The following DDX27 variants were observed in gnomAD, a reference collection of about 807,000 sequenced individuals.
DDX27 encodes DEAD-box helicase 27, also known as probable ATP-dependent RNA helicase DDX27.
In DDX27, 42 loss-of-function variants were observed where a neutral mutation model predicts 99.3. That is an observed-to-expected ratio of 0.42 (90% confidence interval 0.33 to 0.55). DDX27 has a LOEUF of 0.55. DDX27 is among the 20% of genes least tolerant of loss of function. DDX27 has a pLI of 0.07. For synonymous variants in DDX27, 329 were observed against 353.8 expected, an observed-to-expected ratio of 0.93 and a Z score of 0.79; for missense variants, 798 against 976.8, an observed-to-expected ratio of 0.82 and a Z score of 2.44.
rs1453503401 is a variant in DDX27 at position 49,221,607 on chromosome 20, G to A, written c.240+9G>A. 6.3e-7 allele frequency: 1 copy of A among 1,581,066 alleles called. No homozygotes were observed. The highest frequency in any genetic ancestry group is 8.6e-7 in the Non-Finnish European group (1 of 1,162,442). On this transcript the variant is annotated intron_variant, in intron 2 of 20. Coordinates refer to ENST00000618172, the MANE Select transcript of DDX27 (RefSeq NM_017895.8). Reference sequence around the variant, plus strand: ...GCCAACTCAAGAAGAAGGTGAGACTGACAGTGATGGACAGCTCCAGACTTT... The same window carrying A: ...GCCAACTCAAGAAGAAGGTGAGACTAACAGTGATGGACAGCTCCAGACTTT...
At chr20:49,226,736 G>A (rs1017290225) in intron 7 of DDX27, among the ~76,000 whole-genome samples, 6 of 151,828 alleles carry the variant, frequency 4.0e-5, no homozygotes, top group Non-Finnish European at 8.8e-5. Flanking sequence ...AGGTTCAAGC[G>A]ATCGATTTTC....
intron 1 of DDX27, among the ~76,000 whole-genome samples, chr20:49,220,429 A>G (rs958620271): frequency 6.6e-6 from 1 of 152,140 alleles, no homozygotes; most frequent in Non-Finnish European, 1.5e-5. Context: ...TATCTTGAGC[A>G]CTTCCAGTGT....
intron 2 of DDX27, 136 bp from the exon 3 acceptor site, chr20:49,222,821 T>G (rs1009763007): frequency 2.2e-6 from 1 of 451,878 alleles, no homozygotes; most frequent in Non-Finnish European, 3.7e-6. Flanking sequence ...CCTAAAATTT[T>G]TATATATATA....
At chr20:49,242,011 T>C (rs1176466222) in intron 17 of DDX27, 24 bp downstream of exon 17, 1 of 1,613,814 alleles carries the variant, frequency 6.2e-7, no homozygotes, top group Admixed American at 1.7e-5. Flanking sequence ...CTTTTGGAGT[T>C]TGGGCCCACT....
intron 2 of DDX27, among the ~76,000 whole-genome samples, chr20:49,222,576 G>A (rs1366211229): frequency 4.0e-5 from 6 of 151,504 alleles, no homozygotes; most frequent in Non-Finnish European, 1.5e-5. Context: ...GTGCAATGGC[G>A]TGATCTCGGC....
chr20:49,239,081 T>C (rs772378314), intron 15 of DDX27, 26 bp downstream of exon 15: 4 of 1,593,068 alleles, frequency 2.5e-6, no homozygotes, highest in East Asian at 4.5e-5. Context: ...GGGATCTTGT[T>C]CACAAGGCTG....
intron 16 of DDX27, among the ~76,000 whole-genome samples, chr20:49,240,757 T>G (rs1324240508): frequency 6.6e-6 from 1 of 152,142 alleles, no homozygotes; most frequent in African/African-American, 2.4e-5. Flanking sequence ...GGCTTCATGT[T>G]CTTCCATCAT....
chr20:49,242,443 C>A, intron 18 of DDX27, 151 bp from the exon 19 acceptor site: 2 of 1,033,630 alleles, frequency 1.9e-6, no homozygotes, highest in Non-Finnish European at 2.8e-6. Context: ...GCCTCACCAG[C>A]TGCTACTTGG....
intron 11 of DDX27, chr20:49,234,075 T>C (rs916834377): frequency 4.5e-6 from 1 of 223,752 alleles, no homozygotes; most frequent in Admixed American, 5.0e-5. Flanking sequence ...GCATTTACAA[T>C]GATTGCTTGC....
At chr20:49,223,524 CAGTTTATCTTTAAG>C in intron 4 of DDX27, 91 bp downstream of exon 4, 1 of 1,207,678 alleles carries the variant, frequency 8.3e-7, no homozygotes, top group South Asian at 1.5e-5. Flanking sequence ...CTCTTCTGCA[CAGTTTATCTTTAAG>C]CTGTTCTGCC....
chr20:49,224,665 A>C (rs1171744703), intron 4 of DDX27: 1 of 361,266 alleles, frequency 2.8e-6, no homozygotes, highest in Non-Finnish European at 5.0e-6. Context: ...TTCCGCCCTC[A>C]ATAAGTATTT....
chr20:49,236,253 T>C lies in DDX27; in HGVS notation c.1509+22T>C. On this transcript the variant is annotated intron_variant, in intron 13 of 20. Coordinates refer to ENST00000618172, the MANE Select transcript of DDX27 (RefSeq NM_017895.8). The surrounding 1 kb of genome is among the most constrained non-coding windows in gnomAD (Gnocchi z 4.1). ...AACGGTGAGCAGACACTATCTTCCT[T>C]GGACTTTTGGTGGAAGTCTTTTTGC... 1 of 1,584,280 alleles carries C rather than the reference T, an allele frequency of 6.3e-7. No individual in the cohort carries two copies. Among genetic ancestry groups the C allele is most frequent in the Non-Finnish European group, 8.6e-7 (1 of 1,163,726 alleles).
chr20:49,222,243 G>T (rs1979714073), intron 2 of DDX27, among the ~76,000 whole-genome samples: 1 of 149,520 alleles, frequency 6.7e-6, no homozygotes, highest in African/African-American at 2.5e-5. Context: ...AGCGATTCTT[G>T]TGCTTTAGCC....
Position 49,243,858 on chromosome 20 carries a change from T to TG in DDX27, c.*29dup. ...AGCTGTCGTGGCCTGAAGAAATTCA[T>TG]GGGGGCAGCCCTTAAATCCCTTCCC... is the stretch of plus-strand genomic sequence containing the variant. On this transcript the variant is annotated 3_prime_UTR_variant, in exon 21 of 21. Transcript: ENST00000618172. 1 of 1,613,944 alleles carries TG rather than the reference T, an allele frequency of 6.2e-7. No homozygotes were observed. Among genetic ancestry groups the TG allele is most frequent in the Non-Finnish European group, 8.5e-7 (1 of 1,179,954 alleles).
chr20:49,239,149 A>G (rs780304092), intron 15 of DDX27, 87 bp from the exon 16 acceptor site: 1 of 1,528,898 alleles, frequency 6.5e-7, no homozygotes, highest in Non-Finnish European at 9.0e-7. Flanking sequence ...TGTTTCTCCC[A>G]TCAGAGCCCC....
At chr20:49,224,861 C>T (rs1979819436) in intron 4 of DDX27, 84 bp from the exon 5 acceptor site, 1 of 1,462,564 alleles carries the variant, frequency 6.8e-7, no homozygotes, top group Non-Finnish European at 9.5e-7. Flanking sequence ...TGAAGTGTGG[C>T]ATTGGCACTT....
At chr20:49,226,330 G>A in intron 6 of DDX27, 100 bp from the exon 7 acceptor site, 1 of 751,000 alleles carries the variant, frequency 1.3e-6, no homozygotes, top group Admixed American at 2.6e-5. Context: ...TGATTGGTGG[G>A]GATTGGTGTG....
At chr20:49,239,088 G>T (rs780462192) in intron 15 of DDX27, 33 bp downstream of exon 15, 1 of 1,583,310 alleles carries the variant, frequency 6.3e-7, no homozygotes. Flanking sequence ...TGTTCACAAG[G>T]CTGCTCAGTA....
rs764181437 is a variant in DDX27 at position 49,236,360 on chromosome 20, A to G, written c.1537A>G (p.Ile513Val). 1.1e-5 allele frequency: 18 copies of G among 1,603,448 alleles called. 1 individual carries two copies. In the South Asian group the frequency reaches 1.7e-4, roughly 15 times the overall value. Residue 513 changes from isoleucine to valine, a missense_variant, in exon 14 of 21, where the codon ATC (isoleucine) becomes GTC (valine). Ile to Val is a conservative substitution (Grantham distance 29). This residue lies in a region of DDX27 where 553 missense variants were observed against 727.9 expected (regional missense o/e 0.76). Transcript: ENST00000618172. This position sits in a 1 kb window ranked among gnomAD's most constrained non-coding sequence, Gnocchi z 4.1. Reference protein sequence around the residue: ...TVINFTMPNTIKHYVHRVGRT... With the variant: ...TVINFTMPNTVKHYVHRVGRT... The stretch of plus-strand genomic sequence containing the variant: ...AATCAACTTCACAATGCCTAATACC[A>G]TCAAACATTATGTCCACCGGGTGGG...
Sources: gnomAD v4.1 joint callset for allele counts (sites outside exome capture counted in the v4.1 genomes callset) on GRCh38, gnomAD v4.1.1 for gene constraint, gnomAD v4.1.1 regional missense constraint, Gnocchi (gnomAD v3.1) non-coding constraint, MANE v1.5 for transcripts, NCBI Gene and HGNC (gene_info 2026-07-23, HGNC 2026-07-21) for gene names.